The following LYPD6 variants were observed in gnomAD, a reference collection of about 807,000 sequenced individuals.
The protein encoded by LYPD6 is LY6/PLAUR domain containing 6, also known as ly6/PLAUR domain-containing protein 6.
Under a neutral mutation model 22.7 loss-of-function variants are expected in LYPD6, and 15 were observed. The ratio of observed to expected loss-of-function variants is 0.66; its 90% CI spans 0.44 to 1.02. The LOEUF (loss-of-function observed/expected upper bound fraction) is 1.02. Ranked by LOEUF, LYPD6 falls within the 50% of genes least tolerant of loss-of-function variation. The pLI is 0.00. For synonymous variants in LYPD6, 72 were observed against 77.5 expected (o/e 0.93, Z 0.37); for missense variants, 189 against 208.4 (o/e 0.91, Z 0.57).
At chr2:149,423,401 A>G (rs538428637) in intron 1 of LYPD6, among the ~76,000 whole-genome samples, 1 of 151,974 alleles carries the variant, frequency 6.6e-6, no homozygotes, top group African/African-American at 2.4e-5. Context: ...TGAAGGGGGG[A>G]AATTTTGATA....
intron 1 of LYPD6, among the ~76,000 whole-genome samples, chr2:149,369,641 A>G (rs1681760975): frequency 2.0e-5 from 3 of 152,160 alleles, no homozygotes; most frequent in African/African-American, 4.8e-5. Flanking sequence ...GGCAGCTGAA[A>G]TGATAGGAAG....
intron 1 of LYPD6, among the ~76,000 whole-genome samples, chr2:149,340,676 A>G (rs940899098): frequency 1.3e-5 from 2 of 152,200 alleles, no homozygotes; most frequent in Non-Finnish European, 2.9e-5. Flanking sequence ...GCTTTACTAA[A>G]TTCCCAGATG....
At chr2:149,399,347 A>G (rs929887421) in intron 1 of LYPD6, among the ~76,000 whole-genome samples, 2 of 152,246 alleles carry the variant, frequency 1.3e-5, no homozygotes, top group African/African-American at 4.8e-5. Context: ...GCTTAAAGTT[A>G]TAATTGTTCA....
At chr2:149,433,676 G>A (rs976891555) in intron 1 of LYPD6, among the ~76,000 whole-genome samples, 1 of 152,128 alleles carries the variant, frequency 6.6e-6, no homozygotes, top group Admixed American at 6.5e-5. Flanking sequence ...TATGCTGTGA[G>A]CCTGGTTTTA....
At chr2:149,476,183 C>T (rs755406339), downstream of LYPD6, among the ~76,000 whole-genome samples, 1 of 152,102 alleles carries the variant, frequency 6.6e-6, no homozygotes, top group Non-Finnish European at 1.5e-5. Context: ...TGATAGAAAA[C>T]AATTTAGAGG....
At chr2:149,366,584 G>A (rs1166221755) in intron 1 of LYPD6, among the ~76,000 whole-genome samples, 1 of 152,178 alleles carries the variant, frequency 6.6e-6, no homozygotes, top group African/African-American at 2.4e-5. Flanking sequence ...GGGACTGGGG[G>A]AGGTGCACTT....
intron 1 of LYPD6, among the ~76,000 whole-genome samples, chr2:149,335,886 A>C (rs542986624): frequency 6.6e-6 from 1 of 152,194 alleles, no homozygotes; most frequent in Non-Finnish European, 1.5e-5. Context: ...ATACCATATA[A>C]CTTAGGTGTG....
intron 3 of LYPD6, chr2:149,464,586 C>T (rs1016052117): frequency 1.3e-5 from 2 of 152,910 alleles, no homozygotes; most frequent in Non-Finnish European, 2.9e-5. Context: ...CACACAGCTT[C>T]GGGAGCAGAG....
chr2:149,339,756 C>A (rs148506060), intron 1 of LYPD6, among the ~76,000 whole-genome samples: 4 of 152,100 alleles, frequency 2.6e-5, no homozygotes, highest in South Asian at 2.1e-4. Context: ...TGCATTCCCC[C>A]CTGCTCATCC....
At chr2:149,389,244 TA>T in intron 1 of LYPD6, among the ~76,000 whole-genome samples, 1 of 152,270 alleles carries the variant, frequency 6.6e-6, no homozygotes, top group African/African-American at 2.4e-5. Context: ...ATGGCAAAAA[TA>T]CTGTCCTGTA....
Position 149,334,087 on chromosome 2 carries a change from A to C in LYPD6, c.-72+3365A>C, listed in dbSNP as rs148557149. On this transcript the variant is annotated intron_variant, in intron 1 of 4. Coordinates refer to ENST00000334166, the MANE Select transcript of LYPD6 (RefSeq NM_194317.5). The stretch of plus-strand genomic sequence containing the variant: ...GTACCCAAGCTCTGTAAAACACTAA[A>C]CTCATAGTGAAAACACATAGGGAAA... 7.9e-5 allele frequency among the ~76,000 whole-genome samples: 12 copies of C among 152,330 alleles called. No homozygotes were observed. The East Asian group carries it at 2.3e-3, about 29-fold the overall frequency.
chr2:149,388,518 G>A (rs146148168), intron 1 of LYPD6, among the ~76,000 whole-genome samples: 1 of 152,170 alleles, frequency 6.6e-6, no homozygotes, highest in Non-Finnish European at 1.5e-5. Context: ...CTGTTGTTGA[G>A]CAAAGCCAAG....
rs568503187 is a variant in LYPD6 at position 149,351,727 on chromosome 2, A to G, written c.-72+21005A>G. Among the ~76,000 whole-genome samples, 13 of 152,320 alleles carry G rather than the reference A, an allele frequency of 8.5e-5. No individual in the cohort carries two copies. The Middle Eastern group carries it at 0.02, about 239-fold the overall frequency. The stretch of plus-strand genomic sequence containing the variant: ...GGCATAGATAGCACAGGACATAAAA[A>G]TGATGAAGATTGGGTCACTGTAAGC... On this transcript the variant is annotated intron_variant, in intron 1 of 4. Transcript: ENST00000334166.
intron 1 of LYPD6, among the ~76,000 whole-genome samples, chr2:149,433,860 C>A (rs1683371424): frequency 6.6e-6 from 1 of 152,108 alleles, no homozygotes; most frequent in African/African-American, 2.4e-5. Context: ...TGACCTGAGC[C>A]TTGGCTTTTT....
chr2:149,470,218 T>A (rs142242819), intron 4 of LYPD6, among the ~76,000 whole-genome samples: 26 of 152,314 alleles, frequency 1.7e-4, no homozygotes, highest in African/African-American at 6.3e-4. Flanking sequence ...GAGACACTTA[T>A]GCAAACAGTT....
At chr2:149,408,715 C>T (rs981370387) in intron 1 of LYPD6, among the ~76,000 whole-genome samples, 1 of 152,148 alleles carries the variant, frequency 6.6e-6, no homozygotes, top group Non-Finnish European at 1.5e-5. Context: ...CTTCCCAGTG[C>T]ATTTTGCTTT....
chr2:149,413,815 G>C (rs555281236), intron 1 of LYPD6, among the ~76,000 whole-genome samples: 1 of 152,270 alleles, frequency 6.6e-6, no homozygotes, highest in East Asian at 1.9e-4. Flanking sequence ...TGTGGGTTTT[G>C]GGGAAGAAGA....
chr2:149,373,086 A>G (rs1681846278), intron 1 of LYPD6, among the ~76,000 whole-genome samples: 1 of 152,164 alleles, frequency 6.6e-6, no homozygotes, highest in African/African-American at 2.4e-5. Flanking sequence ...TGGGAGGCTG[A>G]TGCTGTGGTC....
chr2:149,481,060 ACTAATCTCCAT>A, the LYPD6 span, among the ~76,000 whole-genome samples: 7 of 152,182 alleles, frequency 4.6e-5, no homozygotes, highest in African/African-American at 1.7e-4. Context: ...TCTCTTGCAC[ACTAATCTCCAT>A]CTCAGAGCCT....
Sources: allele counts gnomAD v4.1 joint callset (sites outside exome capture counted in the v4.1 genomes callset), GRCh38; gene constraint gnomAD v4.1.1; transcripts MANE v1.5; gene names NCBI Gene and HGNC (gene_info 2026-07-23, HGNC 2026-07-21).